The following DACH2 variants were observed in gnomAD, a reference collection of about 807,000 sequenced individuals.
DACH2 encodes dachshund homolog 2.
A neutral mutation model predicts 35.8 loss-of-function variants in DACH2; 17 were observed. The ratio of observed to expected loss-of-function variants is 0.48; its 90% CI spans 0.33 to 0.71. The LOEUF is 0.71. Ranked by LOEUF, DACH2 falls within the 30% of genes least tolerant of loss-of-function variation. The pLI is 0.02. For missense variants in DACH2, 469 were observed against 472.7 expected, an observed-to-expected ratio of 0.99 and a Z score of 0.07; for synonymous variants, 195 against 177.3, an observed-to-expected ratio of 1.10 and a Z score of -0.79.
chrX:86,244,096 AACTG>A (rs2033227382), intron 1 of DACH2, among the ~76,000 whole-genome samples: 1 of 112,151 alleles, frequency 8.9e-6, no homozygotes, highest in African/African-American at 3.2e-5. Context: ...ACATTTTAAT[AACTG>A]ACTATTTTGC....
chrX:86,581,873 A>G (rs1246515775), intron 3 of DACH2, among the ~76,000 whole-genome samples: 5 of 111,373 alleles, frequency 4.5e-5, no homozygotes, highest in East Asian at 2.8e-4. Flanking sequence ...CCTGAACTCA[A>G]CACTTGACCA....
At chrX:86,315,830 CACACACACACAG>C (rs1444687791) in intron 1 of DACH2, among the ~76,000 whole-genome samples, 6 of 90,885 alleles carry the variant, frequency 6.6e-5, no homozygotes, top group East Asian at 3.5e-4. Flanking sequence ...CACACACACA[CACACACACACAG>C]AGAGAGAGAG....
chrX:86,674,055 T>C (rs2040800314), intron 4 of DACH2, among the ~76,000 whole-genome samples: 2 of 112,213 alleles, frequency 1.8e-5, no homozygotes, highest in Admixed American at 1.9e-4. Flanking sequence ...AATGGATGAA[T>C]GGACTAATCT....
At chrX:86,372,867 T>C (rs148738338) in intron 1 of DACH2, among the ~76,000 whole-genome samples, 2,888 of 110,911 alleles carry the variant, frequency 0.026, 49 homozygotes, top group Non-Finnish European at 0.04. Flanking sequence ...ATTGTTGACA[T>C]CTTTATGTCC....
intron 7 of DACH2, among the ~76,000 whole-genome samples, chrX:86,786,113 C>T (rs770929566): frequency 4.5e-5 from 5 of 111,375 alleles, no homozygotes; most frequent in African/African-American, 9.8e-5. Context: ...CTAACACCAC[C>T]CCCACTATAT....
chrX:86,814,847 T>A lies in DACH2; in HGVS notation c.1684+13T>A. 1 of 1,193,699 alleles carries A rather than the reference T, an allele frequency of 8.4e-7. No individual in the cohort carries two copies. On this transcript the variant is annotated intron_variant, in intron 10 of 11. Coordinates refer to ENST00000373125, the MANE Select transcript of DACH2 (RefSeq NM_053281.3). ...AGGATGTTAAAAGGTAATGTCTGAT[T>A]TGGATTTTCACACTCAAGGTAAACA...
chrX:86,717,776 A>C (rs1200089092), intron 6 of DACH2, among the ~76,000 whole-genome samples: 1 of 104,657 alleles, frequency 9.6e-6, no homozygotes, highest in Non-Finnish European at 1.9e-5. Context: ...ATATATATGA[A>C]TACTATTTGG....
intron 3 of DACH2, among the ~76,000 whole-genome samples, chrX:86,649,760 G>A (rs1263108945): frequency 9.0e-6 from 1 of 111,045 alleles, no homozygotes. Flanking sequence ...ACAGTTAGAC[G>A]GTTTAGGCTG....
intron 7 of DACH2, among the ~76,000 whole-genome samples, chrX:86,762,840 T>G (rs2041896520): frequency 1.8e-5 from 2 of 111,885 alleles, no homozygotes; most frequent in South Asian, 3.7e-4. Context: ...TTCTTTATTT[T>G]AAAATGTACA....
chrX:86,557,275 C>G (rs931193945), intron 3 of DACH2, among the ~76,000 whole-genome samples: 9 of 111,317 alleles, frequency 8.1e-5, no homozygotes, highest in Admixed American at 5.8e-4. Context: ...AATGTTTTAT[C>G]AGCTATCTGT....
chrX:86,687,307 G>C (rs1303117794), intron 4 of DACH2, among the ~76,000 whole-genome samples: 3 of 110,919 alleles, frequency 2.7e-5, no homozygotes, highest in Non-Finnish European at 3.8e-5. Flanking sequence ...ATCACCACTG[G>C]TCACTAGAGA....
At chrX:86,273,654 A>C (rs2033855208) in intron 1 of DACH2, among the ~76,000 whole-genome samples, 1 of 112,448 alleles carries the variant, frequency 8.9e-6, no homozygotes, top group African/African-American at 3.2e-5. Flanking sequence ...TTTTGGTATA[A>C]ATGTAGTCAA....
At chrX:86,526,673 T>A (rs1874750863) in intron 3 of DACH2, among the ~76,000 whole-genome samples, 1 of 110,560 alleles carries the variant, frequency 9.0e-6, no homozygotes, top group Admixed American at 9.7e-5. Context: ...AGAGGGCTCT[T>A]ATTTAACTCT....
At chrX:86,513,332 C>T (rs941950794) in intron 2 of DACH2, among the ~76,000 whole-genome samples, 13 of 111,776 alleles carry the variant, frequency 1.2e-4, no homozygotes, top group Admixed American at 6.7e-4. Flanking sequence ...AAGGCAACAG[C>T]AATATCTTAG....
At chrX:86,300,661 T>G (rs1293736212) in intron 1 of DACH2, among the ~76,000 whole-genome samples, 1 of 111,509 alleles carries the variant, frequency 9.0e-6, no homozygotes, top group African/African-American at 3.3e-5. Context: ...ATTGTGCACA[T>G]GTACCCTAAA....
chrX:86,500,143 A>C (rs1025037754), intron 2 of DACH2, among the ~76,000 whole-genome samples: 1 of 111,416 alleles, frequency 9.0e-6, no homozygotes, highest in Non-Finnish European at 1.9e-5. Context: ...ATATACGTGC[A>C]CTCATACATT....
At chrX:86,428,255 G>C (rs759712061) in intron 2 of DACH2, among the ~76,000 whole-genome samples, 11 of 111,681 alleles carry the variant, frequency 9.8e-5, no homozygotes, top group African/African-American at 3.6e-4. Flanking sequence ...TGATAAAAAA[G>C]TTAAGATTAA....
chrX:86,460,831 T>C (rs1485847947), intron 2 of DACH2, among the ~76,000 whole-genome samples: 16 of 110,463 alleles, frequency 1.4e-4, no homozygotes, highest in Non-Finnish European at 1.1e-4. Context: ...TTTCAAGAAA[T>C]TCATATGTAA....
At chrX:86,636,742 C>A (rs1282219350) in intron 3 of DACH2, among the ~76,000 whole-genome samples, 1 of 110,639 alleles carries the variant, frequency 9.0e-6, no homozygotes, top group Non-Finnish European at 1.9e-5. Context: ...TGTAACACCC[C>A]AAACTATAAA....
Sources: allele counts gnomAD v4.1 joint callset (sites outside exome capture counted in the v4.1 genomes callset), GRCh38; gene constraint gnomAD v4.1.1; transcripts MANE v1.5; gene names NCBI Gene and HGNC (gene_info 2026-07-23, HGNC 2026-07-21).